Variants in HYKK observed in about 807,000 individuals in gnomAD.
HYKK encodes hydroxylysine kinase.
In HYKK, 19 loss-of-function variants were observed where a neutral mutation model predicts 29.7. The observed-to-expected ratio is 0.64, with a 90% CI of 0.45 to 0.94. The LOEUF (loss-of-function observed/expected upper bound fraction) is 0.94. Among genes scored for constraint, HYKK ranks in the 40% least tolerant of loss-of-function variants. The probability of loss-of-function intolerance (pLI) is 0.00; values close to 1 mark genes in which losing one functional copy is unlikely to be tolerated. For synonymous variants in HYKK, 152 were observed against 158.1 expected (o/e 0.96, Z 0.29); for missense variants, 390 against 443.4 (o/e 0.88, Z 1.08).
In HYKK at chr15:78,534,008, A is replaced by G. The variant is rs2052338070; in HGVS notation, c.*338A>G. 2 of 184,184 alleles carry G rather than the reference A, an allele frequency of 1.1e-5. No homozygotes were observed. The highest frequency in any genetic ancestry group is 2.3e-5 in the Non-Finnish European group (2 of 88,556). 11.4% of individuals were successfully genotyped at this position (184,184 alleles called of 1,614,324 possible). On this transcript the variant is annotated 3_prime_UTR_variant, in exon 5 of 5. Transcript: ENST00000388988. The stretch of plus-strand genomic sequence containing the variant: ...ACTATTTTAATTTTAAAAATAATAT[A>G]TACATATAGATATATTGACATATTT...
intron 3 of HYKK, among the ~76,000 whole-genome samples, chr15:78,524,785 G>T (rs1289050611): frequency 1.3e-5 from 2 of 152,048 alleles, no homozygotes; most frequent in East Asian, 3.9e-4. Context: ...CTCCAGCCTG[G>T]GCAACAGAGA....
intron 1 of HYKK, among the ~76,000 whole-genome samples, chr15:78,510,360 T>A (rs2052062010): frequency 1.3e-5 from 2 of 151,820 alleles, no homozygotes; most frequent in South Asian, 2.1e-4. Flanking sequence ...ATTTTTTTTT[T>A]ATTTTTATTT....
At chr15:78,532,667 G>A (rs1455606862) in intron 4 of HYKK, among the ~76,000 whole-genome samples, 3 of 151,868 alleles carry the variant, frequency 2.0e-5, no homozygotes, top group East Asian at 1.9e-4. Context: ...TGGTGGTGGC[G>A]CACCCCTGTA....
rs756955264 is a variant in HYKK, at chr15:78,533,470, C to G, written c.922C>G (p.Leu308Val). ...TGTAGAGAAGGGTGCTTTGTTTTTACTTGTATGCAGTCGTTTTTGTCAGTC... is the reference window on the plus strand; with the variant it reads ...TGTAGAGAAGGGTGCTTTGTTTTTAGTTGTATGCAGTCGTTTTTGTCAGTC... ...TAVEKGALFLLVCSRFCQSLV... is the reference protein window; with the variant it reads ...TAVEKGALFLVVCSRFCQSLV... The change falls in exon 5 of 5, where the codon CTT becomes GTT. Residue 308 changes from leucine to valine, a missense_variant. Transcript: ENST00000388988. The G allele has an allele frequency of 1.9e-5, 31 of 1,614,086 alleles. No homozygotes were observed. In the South Asian group the frequency reaches 3.3e-4, roughly 17 times the overall value.
At chr15:78,509,939 G>T (rs924553844) in intron 1 of HYKK, among the ~76,000 whole-genome samples, 1 of 152,186 alleles carries the variant, frequency 6.6e-6, no homozygotes, top group African/African-American at 2.4e-5. Context: ...GATGGAAACC[G>T]ATCAGTGGCA....
chr15:78,507,942 TCTGTGTGGGGTCGCTGGCCGAGGG>T (rs1007583883), intron 1 of HYKK, among the ~76,000 whole-genome samples: 1 of 152,146 alleles, frequency 6.6e-6, no homozygotes, highest in African/African-American at 2.4e-5. Flanking sequence ...CCCTCCCGGG[TCTGTGTGGGGTCGCTGGCCGAGGG>T]CTGTGCCGGC....
chr15:78,525,760 A>G (rs2052247651), intron 3 of HYKK, among the ~76,000 whole-genome samples: 1 of 152,176 alleles, frequency 6.6e-6, no homozygotes, highest in Non-Finnish European at 1.5e-5. Context: ...TGGCCTCCCA[A>G]AGTGCTGGGA....
intron 4 of HYKK, chr15:78,528,426 C>G: frequency 2.0e-6 from 2 of 985,390 alleles, no homozygotes; most frequent in Non-Finnish European, 2.4e-6. Flanking sequence ...ATATCTATCT[C>G]CCTGTGTACA....
chr15:78,526,732 T>C (rs112671439), intron 3 of HYKK, among the ~76,000 whole-genome samples: 1,587 of 152,324 alleles, frequency 0.01, 43 homozygotes, highest in South Asian at 0.073. Context: ...CTGTGGGCAA[T>C]AATGCCTATC....
intron 1 of HYKK, among the ~76,000 whole-genome samples, chr15:78,508,899 A>AAAAAAAAAAAAAC (rs1195358707): frequency 6.7e-6 from 1 of 148,562 alleles, no homozygotes; most frequent in South Asian, 2.1e-4. Context: ...AAAAAAAAAA[A>AAAAAAAAAAAAAC]AGGCCAGGCA....
chr15:78,519,755 C>T (rs904333258), intron 3 of HYKK, among the ~76,000 whole-genome samples: 16 of 151,916 alleles, frequency 1.1e-4, no homozygotes, highest in East Asian at 5.8e-4. Context: ...AGTGAGACAA[C>T]GTCTCAAAAA....
intron 3 of HYKK, among the ~76,000 whole-genome samples, chr15:78,522,839 A>G (rs1351746882): frequency 2.0e-5 from 3 of 152,116 alleles, no homozygotes; most frequent in Non-Finnish European, 1.5e-5. Flanking sequence ...AGATTGTGCA[A>G]CTGGACTCCA....
Position 78,526,350 on chromosome 15 carries a change from C to A in HYKK, c.478-1030C>A, listed in dbSNP as rs566589394. Among the ~76,000 whole-genome samples, 37 of 152,172 alleles carry A rather than the reference C, an allele frequency of 2.4e-4. No individual in the cohort carries two copies. In the South Asian group the frequency reaches 3.3e-3, roughly 14 times the overall value. ...AGTAAAATAAGTAAGTGAACTATGA[C>A]AAATGTTAGCAATAAGTGGTAAGAA... On this transcript the variant is annotated intron_variant, in intron 3 of 4. Transcript: ENST00000388988.
At position 78,514,977 on chromosome 15, in the gene HYKK, C is replaced by T; in HGVS notation, c.347C>T (p.Ser116Phe). ...TATTCCATCCATTTAGATAGTGGCT[C>T]TGAAATCAAAAGCTACTTGGTGAGG... ...TASLVSVDSG[S>F]EIKSYLVRLL... Residue 116 changes from serine (S) to phenylalanine (F), a missense_variant, in exon 3 of 5, where the codon TCT (serine) becomes TTT (phenylalanine). Coordinates refer to ENST00000388988, the MANE Select transcript of HYKK (RefSeq NM_001013619.4). The T allele has an allele frequency of 6.4e-7, 1 of 1,559,802 alleles. No individual in the cohort carries two copies. Among genetic ancestry groups the T allele is most frequent in the Non-Finnish European group, 8.7e-7 (1 of 1,151,490 alleles).
intron 2 of HYKK, among the ~76,000 whole-genome samples, chr15:78,514,242 T>G (rs917404674): frequency 6.6e-6 from 1 of 152,196 alleles, no homozygotes; most frequent in African/African-American, 2.4e-5. Flanking sequence ...TTGTCATTAC[T>G]GTATATGTGA....
At chr15:78,518,633 C>T (rs1296460442) in intron 3 of HYKK, 2 of 454,548 alleles carry the variant, frequency 4.4e-6, no homozygotes, top group Non-Finnish European at 8.8e-6. Flanking sequence ...AAACTGAAGA[C>T]CAGGCCGGGC....
intron 3 of HYKK, among the ~76,000 whole-genome samples, chr15:78,523,210 T>C (rs973043533): frequency 6.6e-6 from 1 of 152,196 alleles, no homozygotes; most frequent in Non-Finnish European, 1.5e-5. Context: ...ACAGAAAGCA[T>C]AGTGGCTTCT....
At chr15:78,527,928 T>A (rs2052272507) in intron 4 of HYKK, 1 of 183,970 alleles carries the variant, frequency 5.4e-6, no homozygotes, top group Non-Finnish European at 1.1e-5. Context: ...GATTGATCCA[T>A]ATGAATATTT....
chr15:78,519,685 C>T (rs781219482), intron 3 of HYKK, among the ~76,000 whole-genome samples: 5 of 152,066 alleles, frequency 3.3e-5, no homozygotes, highest in African/African-American at 1.2e-4. Context: ...CACTTGAACC[C>T]GGGAGGCGGA....
Sources: allele counts gnomAD v4.1 joint callset (sites outside exome capture counted in the v4.1 genomes callset), GRCh38; gene constraint gnomAD v4.1.1; transcripts MANE v1.5; gene names NCBI Gene and HGNC (gene_info 2026-07-23, HGNC 2026-07-21).